OSMR: variants seen among roughly 807,000 people sequenced by gnomAD.
OSMR encodes oncostatin M receptor.
A neutral mutation model predicts 99.9 loss-of-function variants in OSMR; 81 were observed. That is an observed-to-expected ratio of 0.81 (90% CI 0.68 to 0.97). The LOEUF (loss-of-function observed/expected upper bound fraction) is 0.97, where lower values mean the gene tolerates loss of function less well. Among genes scored for constraint, OSMR ranks in the 50% least tolerant of loss-of-function variants. The probability of loss-of-function intolerance (pLI) is 0.00; values close to 1 mark genes in which losing one functional copy is unlikely to be tolerated. For missense variants in OSMR, 1,099 were observed against 1,153.4 expected (o/e 0.95, Z 0.68); for synonymous variants, 406 against 410.4 (o/e 0.99, Z 0.13).
intron 1 of OSMR, among the ~76,000 whole-genome samples, chr5:38,865,775 C>G (rs1480391394): frequency 1.3e-5 from 2 of 152,194 alleles, no homozygotes; most frequent in African/African-American, 2.4e-5. Context: ...CAGTGGTAGG[C>G]CAGGCAGGCA....
At chr5:38,930,524 A>G (rs1470234834) in intron 15 of OSMR, among the ~76,000 whole-genome samples, 1 of 152,222 alleles carries the variant, frequency 6.6e-6, no homozygotes. Context: ...GAACAGAATC[A>G]TATGTAGATG....
chr5:38,890,075 T>A lies in OSMR; in HGVS notation c.991+3885T>A, dbSNP rs147915459. On this transcript the variant is annotated intron_variant, in intron 7 of 17. Transcript: ENST00000274276. ...TCAAATTTTCTAAAATGAAATTTTA[T>A]TTTTTTGTTATTAATTTTTAACAAA... Among the ~76,000 whole-genome samples, 816 of 152,320 alleles carry A rather than the reference T, an allele frequency of 5.4e-3. 10 individuals are homozygous for A. Among genetic ancestry groups the A allele is most frequent in the African/African-American group, 0.019 (782 of 41,572 alleles).
intron 7 of OSMR, among the ~76,000 whole-genome samples, chr5:38,890,534 GA>G (rs1353330789): frequency 2.6e-5 from 4 of 151,708 alleles, no homozygotes; most frequent in African/African-American, 7.3e-5. Flanking sequence ...TTTCTGAAAG[GA>G]TGACTCTTAG....
intron 7 of OSMR, among the ~76,000 whole-genome samples, chr5:38,900,432 A>G (rs888832942): frequency 2.0e-5 from 3 of 152,156 alleles, no homozygotes; most frequent in African/African-American, 7.2e-5. Context: ...TTTTTTTCAT[A>G]TAATTGTTAA....
chr5:38,943,066 C>G (rs1024817641), intron 1 of OSMR: 2 of 840,418 alleles, frequency 2.4e-6, no homozygotes, highest in Non-Finnish European at 3.8e-6. Flanking sequence ...GATTTCCCTA[C>G]AGATATGGAT....
chr5:38,886,348 G>A (rs1459060845), intron 7 of OSMR, 158 bp downstream of exon 7: 1 of 1,462,650 alleles, frequency 6.8e-7, no homozygotes, highest in African/African-American at 1.4e-5. Context: ...TCTCCTCATG[G>A]ATGCACGCAT....
At chr5:38,944,777 T>A in intron 2 of OSMR, 1 of 923,082 alleles carries the variant, frequency 1.1e-6, no homozygotes, top group South Asian at 1.5e-5. Flanking sequence ...ATTAACAGTG[T>A]TAAATTGCTT....
chr5:38,907,920 G>T (rs1003435065), intron 9 of OSMR, among the ~76,000 whole-genome samples: 1 of 152,108 alleles, frequency 6.6e-6, no homozygotes, highest in Non-Finnish European at 1.5e-5. Flanking sequence ...TAAGCACAAC[G>T]TGTGGCCCTG....
chr5:38,899,115 AC>A (rs1242688121), intron 7 of OSMR, among the ~76,000 whole-genome samples: 1 of 151,714 alleles, frequency 6.6e-6, no homozygotes, highest in African/African-American at 2.4e-5. Context: ...ACCTGCCACC[AC>A]GCCTGGCTAA....
chr5:38,939,435 T>G (rs958537353), downstream of OSMR: 25 of 232,176 alleles, frequency 1.1e-4, no homozygotes, highest in Admixed American at 9.6e-4. Context: ...AGAAAAAATT[T>G]AATTAGGGAG....
chr5:38,875,018 A>G (rs570078646), intron 2 of OSMR, among the ~76,000 whole-genome samples: 1 of 152,302 alleles, frequency 6.6e-6, no homozygotes, highest in South Asian at 2.1e-4. Context: ...GACTGTTTCC[A>G]TTGTTTATTA....
chr5:38,945,559 T>C (rs1011040912), downstream of OSMR: 16 of 1,614,082 alleles, frequency 9.9e-6, no homozygotes, highest in Non-Finnish European at 1.3e-5. Flanking sequence ...ACAGACACAA[T>C]AAAGGCAGTT....
At position 38,925,374 on chromosome 5, in the gene OSMR, G is replaced by A; in HGVS notation, c.2212+3G>A. The A allele has an allele frequency of 1.2e-6, 2 of 1,612,552 alleles. No individual in the cohort carries two copies. Among genetic ancestry groups the A allele is most frequent in the Non-Finnish European group, 1.7e-6 (2 of 1,178,546 alleles). On this transcript the variant is annotated splice_donor_region_variant and intron_variant, in intron 15 of 17. Coordinates refer to ENST00000274276, the MANE Select transcript of OSMR (RefSeq NM_003999.3). ...GGTCACGACTCCGGATGAACACTGT[G>A]AGTTTTCCCAAATCAAAGTTCTTCC... is the stretch of plus-strand genomic sequence containing the variant.
intron 2 of OSMR, among the ~76,000 whole-genome samples, chr5:38,874,980 A>G (rs150951316): frequency 6.6e-6 from 1 of 152,312 alleles, no homozygotes. Flanking sequence ...GCAGAATGGC[A>G]ATTTGGGGAC....
chr5:38,920,830 C>A (rs886603126), intron 11 of OSMR, among the ~76,000 whole-genome samples: 2 of 152,154 alleles, frequency 1.3e-5, no homozygotes, highest in African/African-American at 4.8e-5. Context: ...AACTGGTAGT[C>A]CCCTGAGGCC....
chr5:38,887,605 T>C (rs1352234424), intron 7 of OSMR, among the ~76,000 whole-genome samples: 1 of 152,206 alleles, frequency 6.6e-6, no homozygotes, highest in Non-Finnish European at 1.5e-5. Flanking sequence ...CAGATGAGTC[T>C]TGACATCGGG....
intron 1 of OSMR, chr5:38,942,021 G>T: frequency 3.2e-6 from 1 of 310,038 alleles, no homozygotes. Context: ...GAAAACCTAT[G>T]TAGGTATTCA....
rs1441777890 is a variant in OSMR at position 38,935,366 on chromosome 5, T to C, written c.*1922T>C. 2.0e-5 allele frequency: 3 copies of C among 152,184 alleles called. No individual in the cohort carries two copies. Among genetic ancestry groups the C allele is most frequent in the Non-Finnish European group, 2.9e-5 (2 of 68,036 alleles). 9.4% of individuals were successfully genotyped at this position (152,184 alleles called of 1,614,324 possible). The stretch of plus-strand genomic sequence containing the variant: ...CAGTACTTGCCTTTTGCTGGAAACA[T>C]TGATTATGTGCTCCTCACGTAGTAG... On this transcript the variant is annotated 3_prime_UTR_variant, in exon 18 of 18. Coordinates refer to ENST00000274276, the MANE Select transcript of OSMR (RefSeq NM_003999.3).
At position 38,905,995 on chromosome 5, in the gene OSMR, C is replaced by T. The variant is rs4493697; in HGVS notation, c.1285+1492C>T. Among the ~76,000 whole-genome samples the T allele has an allele frequency of 0.024, 3,709 of 152,198 alleles. 353 individuals carry two copies. The East Asian group carries it at 0.36, about 15-fold the overall frequency. On this transcript the variant is annotated intron_variant, in intron 9 of 17. Transcript: ENST00000274276. ...ATTAGTCAAGTTCTGCAGGCCTCCC[C>T]GCTTCCCTGGTGGTGTCTGCCTATC...
Sources: gnomAD v4.1 joint callset for allele counts (sites outside exome capture counted in the v4.1 genomes callset) on GRCh38, gnomAD v4.1.1 for gene constraint, MANE v1.5 for transcripts, NCBI Gene and HGNC (gene_info 2026-07-23, HGNC 2026-07-21) for gene names.